Variants in KCNJ6 observed in about 807,000 individuals in gnomAD.
The protein encoded by KCNJ6 is potassium inwardly rectifying channel subfamily J member 6.
KCNJ6 carries 9 observed loss-of-function variants against 34.2 expected under a neutral mutation model. The observed-to-expected ratio is 0.26, with a 90% CI of 0.16 to 0.46. The LOEUF is 0.46. Among genes scored for constraint, KCNJ6 ranks in the 20% least tolerant of loss-of-function variants. The pLI is 1.00. For synonymous variants in KCNJ6, 196 were observed against 207.1 expected, an observed-to-expected ratio of 0.95 and a Z score of 0.46; for missense variants, 236 against 531.3, an observed-to-expected ratio of 0.44 and a Z score of 5.46.
At chr21:37,726,286 C>T (rs1601440167) in intron 2 of KCNJ6, among the ~76,000 whole-genome samples, 3 of 152,124 alleles carry the variant, frequency 2.0e-5, no homozygotes, top group Non-Finnish European at 4.4e-5. Context: ...CTTTTTCTGT[C>T]GTGTTTTTCA....
intron 2 of KCNJ6, among the ~76,000 whole-genome samples, chr21:37,792,274 C>T (rs1434995365): frequency 1.3e-5 from 2 of 152,226 alleles, no homozygotes; most frequent in East Asian, 3.9e-4. Flanking sequence ...TCCAGCAAAC[C>T]CTGCCCATCT....
At chr21:37,894,474 C>T (rs2055778116) in intron 1 of KCNJ6, among the ~76,000 whole-genome samples, 2 of 152,050 alleles carry the variant, frequency 1.3e-5, no homozygotes, top group South Asian at 4.1e-4. Context: ...ACCAGCCTGG[C>T]CAAGATAGTG....
chr21:37,625,207 T>C lies in KCNJ6; in HGVS notation c.1224A>G (p.Thr408=), dbSNP rs765467529. 6.2e-7 allele frequency: 1 copy of C among 1,614,242 alleles called. No homozygotes were observed. Among genetic ancestry groups the C allele is most frequent in the Non-Finnish European group, 8.5e-7 (1 of 1,180,030 alleles). Residue 408 remains threonine, a synonymous_variant, in exon 4 of 4, where the codon ACA becomes ACG. Transcript: ENST00000609713. ...GGTTTGCCACATCACCATTTCTTTC[T>C]GTTTGCTCTTCGAGGTTCTTTTCTT... ...EEEEKNLEEQ[T]ERNGDVANLE...
intron 2 of KCNJ6, among the ~76,000 whole-genome samples, chr21:37,808,716 A>G (rs1215122955): frequency 2.6e-5 from 4 of 152,226 alleles, no homozygotes. Context: ...CCAGAGACAG[A>G]AGCCACTCAT....
intron 3 of KCNJ6, among the ~76,000 whole-genome samples, chr21:37,643,485 G>A (rs911969018): frequency 2.0e-5 from 3 of 152,188 alleles, no homozygotes; most frequent in Non-Finnish European, 4.4e-5. Context: ...TCCTGGAAAA[G>A]GAAGAATGCC....
chr21:37,693,420 C>T (rs1481345116), intron 3 of KCNJ6, among the ~76,000 whole-genome samples: 1 of 152,134 alleles, frequency 6.6e-6, no homozygotes, highest in African/African-American at 2.4e-5. Context: ...CGGATGAGTC[C>T]ATAAGACAGA....
chr21:37,787,743 C>A, intron 2 of KCNJ6, among the ~76,000 whole-genome samples: 1 of 151,882 alleles, frequency 6.6e-6, no homozygotes, highest in South Asian at 2.1e-4. Flanking sequence ...AGGGAATGGG[C>A]CTACAAAAAA....
intron 2 of KCNJ6, among the ~76,000 whole-genome samples, chr21:37,826,065 C>T (rs574898961): frequency 2.8e-4 from 43 of 152,246 alleles, no homozygotes; most frequent in African/African-American, 1.0e-3. Context: ...CACTGTGACC[C>T]CTTTCTCTCT....
At chr21:37,840,563 G>T (rs1247212409) in intron 2 of KCNJ6, 95 bp downstream of exon 2, 1 of 816,554 alleles carries the variant, frequency 1.2e-6, no homozygotes, top group Non-Finnish European at 2.1e-6. Flanking sequence ...AAAAGAGAAG[G>T]ACAAATCAGA....
At chr21:37,707,256 T>G (rs1162884382) in intron 3 of KCNJ6, among the ~76,000 whole-genome samples, 1 of 152,250 alleles carries the variant, frequency 6.6e-6, no homozygotes, top group Non-Finnish European at 1.5e-5. Flanking sequence ...CAGCACTAAC[T>G]GCAAGGTCCC....
At chr21:37,882,261 T>C (rs2055712802) in intron 1 of KCNJ6, among the ~76,000 whole-genome samples, 1 of 152,214 alleles carries the variant, frequency 6.6e-6, no homozygotes, top group South Asian at 2.1e-4. Context: ...GGTTGACAGA[T>C]GAGCGTGCTG....
chr21:37,840,351 TAA>T (rs1189638274), intron 2 of KCNJ6, among the ~76,000 whole-genome samples: 9 of 152,204 alleles, frequency 5.9e-5, no homozygotes, highest in Admixed American at 5.9e-4. Context: ...CTAAACCTCC[TAA>T]AAGTCAGGTT....
intron 1 of KCNJ6, among the ~76,000 whole-genome samples, chr21:37,895,220 T>C (rs1273730063): frequency 1.3e-5 from 2 of 152,228 alleles, no homozygotes; most frequent in African/African-American, 4.8e-5. Context: ...GGGCTTTTCT[T>C]AAGGATTCAG....
At chr21:37,876,592 AT>A (rs928471486) in intron 1 of KCNJ6, among the ~76,000 whole-genome samples, 4 of 146,692 alleles carry the variant, frequency 2.7e-5, no homozygotes, top group Non-Finnish European at 4.4e-5. Flanking sequence ...TTCAAAGTAT[AT>A]TTTATATACA....
chr21:37,787,715 A>G (rs941507936), intron 2 of KCNJ6, among the ~76,000 whole-genome samples: 1 of 152,316 alleles, frequency 6.6e-6, no homozygotes, highest in African/African-American at 2.4e-5. Flanking sequence ...TCTAATACTG[A>G]TTACTTTTGA....
intron 1 of KCNJ6, among the ~76,000 whole-genome samples, chr21:37,896,991 A>G (rs879706298): frequency 2.6e-5 from 4 of 152,216 alleles, no homozygotes; most frequent in Non-Finnish European, 5.9e-5. Flanking sequence ...GAGGGCCAGA[A>G]GCCGGGGCTC....
chr21:37,617,134 T>TC lies in KCNJ6; in HGVS notation c.*8024dup, dbSNP rs2054274352. 1 of 116,890 alleles carries TC rather than the reference T, an allele frequency of 8.6e-6. No homozygotes were observed. Among genetic ancestry groups the TC allele is most frequent in the Admixed American group, 9.4e-5 (1 of 10,600 alleles). The allele number at this position is 116,890 out of a possible 1,614,324, so 7.2% of individuals were successfully genotyped here. Reference sequence around the variant, plus strand: ...TTTCCTTCTTCCTTCCTTCCTTCTTTCTTTCCTTCCTTCCTTCCTTCTTTC... The same window carrying TC: ...TTTCCTTCTTCCTTCCTTCCTTCTTTCCTTTCCTTCCTTCCTTCCTTCTTTC... On this transcript the variant is annotated 3_prime_UTR_variant, in exon 4 of 4. Transcript: ENST00000609713.
intron 1 of KCNJ6, among the ~76,000 whole-genome samples, chr21:37,861,911 A>G (rs928968520): frequency 2.0e-5 from 3 of 152,200 alleles, no homozygotes; most frequent in African/African-American, 7.2e-5. Flanking sequence ...GTGACTGGAA[A>G]GGAGAGGAGG....
intron 2 of KCNJ6, among the ~76,000 whole-genome samples, chr21:37,788,969 G>C (rs911692301): frequency 6.6e-6 from 1 of 152,136 alleles, no homozygotes; most frequent in African/African-American, 2.4e-5. Flanking sequence ...CGGTATTGTA[G>C]AGTCATCATC....
Sources: gnomAD v4.1 joint callset for allele counts (sites outside exome capture counted in the v4.1 genomes callset) on GRCh38, gnomAD v4.1.1 for gene constraint, MANE v1.5 for transcripts, NCBI Gene and HGNC (gene_info 2026-07-23, HGNC 2026-07-21) for gene names.